Variants in KIF18A observed in about 807,000 individuals in gnomAD.
KIF18A encodes the protein kinesin-like protein KIF18A.
Under a neutral mutation model 103.3 loss-of-function variants are expected in KIF18A, and 67 were observed. The ratio of observed to expected loss-of-function variants is 0.65; its 90% CI spans 0.53 to 0.79. The LOEUF is 0.79. Among genes scored for constraint, KIF18A ranks in the 30% least tolerant of loss-of-function variants. KIF18A has a pLI of 0.00. For synonymous variants in KIF18A, 367 were observed against 355.5 expected (o/e 1.03, Z -0.36); for missense variants, 1,032 against 1,062.5 (o/e 0.97, Z 0.40).
intron 7 of KIF18A, 121 bp downstream of exon 7, chr11:28,084,511 C>G (rs997555): frequency 0.51 from 363,188 of 709,080 alleles, 97,514 homozygotes; most frequent in Admixed American, 0.58. Context: ...AAAGACCCTT[C>G]TAACCCTCAG....
At chr11:28,081,870 T>G (rs370398761) in intron 9 of KIF18A, among the ~76,000 whole-genome samples, 1 of 152,162 alleles carries the variant, frequency 6.6e-6, no homozygotes, top group African/African-American at 2.4e-5. Flanking sequence ...AGAACATTTG[T>G]GATATGTGTA....
chr11:28,082,800 TAAC>T (rs1785825149), intron 9 of KIF18A, 53 bp downstream of exon 9: 3 of 1,070,532 alleles, frequency 2.8e-6, no homozygotes, highest in Non-Finnish European at 4.1e-6. Context: ...ATAAAATACT[TAAC>T]AAAATTTTAA....
intron 13 of KIF18A, among the ~76,000 whole-genome samples, chr11:28,043,964 A>G (rs1850597144): frequency 6.6e-6 from 1 of 151,926 alleles, no homozygotes; most frequent in South Asian, 2.1e-4. Context: ...GAAGCCAATA[A>G]AAAATCAGCT....
chr11:28,087,637 G>T (rs1421998047), intron 6 of KIF18A, among the ~76,000 whole-genome samples: 2 of 152,056 alleles, frequency 1.3e-5, no homozygotes, highest in African/African-American at 4.8e-5. Flanking sequence ...GGTATTTCTG[G>T]TTCTAGATCC....
chr11:28,085,938 T>C (rs767251520), intron 6 of KIF18A, among the ~76,000 whole-genome samples: 1 of 152,166 alleles, frequency 6.6e-6, no homozygotes, highest in Non-Finnish European at 1.5e-5. Context: ...CTTACAGGAT[T>C]ATTCAGTGAA....
chr11:28,036,055 TAGTG>T (rs1565071430), intron 14 of KIF18A, among the ~76,000 whole-genome samples, 158 bp downstream of exon 14: 1 of 151,496 alleles, frequency 6.6e-6, no homozygotes, highest in African/African-American at 2.4e-5. Context: ...AATATTTTGT[TAGTG>T]AATTAATATT....
chr11:28,068,877 A>T (rs1378555019), intron 11 of KIF18A, among the ~76,000 whole-genome samples: 1 of 152,158 alleles, frequency 6.6e-6, no homozygotes, highest in Non-Finnish European at 1.5e-5. Context: ...ACACTTCAAA[A>T]ATAAAACCTT....
intron 11 of KIF18A, among the ~76,000 whole-genome samples, chr11:28,065,425 C>A (rs1329510975): frequency 6.6e-6 from 1 of 151,870 alleles, no homozygotes; most frequent in Non-Finnish European, 1.5e-5. Flanking sequence ...TGATAAAATG[C>A]ATAAAAATCA....
At chr11:28,082,692 C>T (rs1224281224) in intron 9 of KIF18A, among the ~76,000 whole-genome samples, 164 bp downstream of exon 9, 2 of 151,816 alleles carry the variant, frequency 1.3e-5, no homozygotes, top group Non-Finnish European at 2.9e-5. Flanking sequence ...ATCTCTGAGT[C>T]AAGCCTGTTA....
intron 13 of KIF18A, among the ~76,000 whole-genome samples, chr11:28,055,820 G>C (rs941253127): frequency 2.6e-5 from 4 of 152,060 alleles, no homozygotes; most frequent in Non-Finnish European, 5.9e-5. Context: ...ATGCATATGA[G>C]GAATTAAGAC....
At chr11:28,100,353 T>C (rs1851429123) in intron 1 of KIF18A, among the ~76,000 whole-genome samples, 2 of 151,978 alleles carry the variant, frequency 1.3e-5, no homozygotes, top group Admixed American at 6.6e-5. Context: ...AAATCCTAAA[T>C]GAAGGAGGAA....
chr11:28,077,001 A>T lies in KIF18A; in HGVS notation c.1425+6T>A. The T allele has an allele frequency of 7.4e-7, 1 of 1,357,084 alleles. No homozygotes were observed. The highest frequency in any genetic ancestry group is 9.9e-7 in the Non-Finnish European group (1 of 1,012,592). The allele number at this position is 1,357,084 out of a possible 1,614,324, so 84.1% of individuals were successfully genotyped here. On this transcript the variant is annotated splice_donor_region_variant and intron_variant, in intron 10 of 16. Transcript: ENST00000263181. ...TCTAAAATTTAATTATAAAATTGTT[A>T]ATTACCTTTTCTACTTTGTCTTCAG...
intron 3 of KIF18A, among the ~76,000 whole-genome samples, chr11:28,092,196 G>T (rs1260361873): frequency 1.3e-5 from 2 of 152,154 alleles, no homozygotes; most frequent in East Asian, 3.8e-4. Flanking sequence ...AGATGGCATG[G>T]TTCTTACTGT....
At chr11:28,066,477 A>T (rs1204219450) in intron 11 of KIF18A, among the ~76,000 whole-genome samples, 1 of 151,916 alleles carries the variant, frequency 6.6e-6, no homozygotes, top group Non-Finnish European at 1.5e-5. Flanking sequence ...GATCCTAGCT[A>T]ACTTATATTA....
intron 3 of KIF18A, among the ~76,000 whole-genome samples, chr11:28,092,480 A>G (rs1354866051): frequency 1.3e-5 from 2 of 152,184 alleles, no homozygotes; most frequent in Non-Finnish European, 2.9e-5. Context: ...GCTTCACTCT[A>G]CTGCATCATA....
At position 28,084,691 on chromosome 11, in the gene KIF18A, A is replaced by G; in HGVS notation, c.1015T>C (p.Tyr339His). The change falls in exon 7 of 17, where the codon TAC becomes CAC. Residue 339 changes from tyrosine (Y) to histidine (H), a missense_variant. By Grantham distance (83) the Tyr-to-His change is moderately conservative (BLOSUM62 2). Coordinates refer to ENST00000263181, the MANE Select transcript of KIF18A (RefSeq NM_031217.4). ...IAAVSPSSVF[Y>H]DDTYNTLKYA... is the part of the protein sequence containing the mutation. ...TTAAGAGTGTTATATGTGTCATCGT[A>G]GAATACAGAGGAAGGACTAACAGCA... is the stretch of plus-strand genomic sequence containing the variant. 6.2e-7 allele frequency: 1 copy of G among 1,612,988 alleles called. No homozygotes were observed. Among genetic ancestry groups the G allele is most frequent in the Non-Finnish European group, 8.5e-7 (1 of 1,178,992 alleles).
chr11:28,090,218 C>T (rs557908726), intron 5 of KIF18A, among the ~76,000 whole-genome samples: 9 of 152,086 alleles, frequency 5.9e-5, no homozygotes, highest in East Asian at 3.9e-4. Context: ...TTAAGGAATG[C>T]GACTATTTAC....
intron 7 of KIF18A, among the ~76,000 whole-genome samples, chr11:28,083,631 G>A (rs745728129): frequency 6.6e-6 from 1 of 151,974 alleles, no homozygotes; most frequent in African/African-American, 2.4e-5. Context: ...GACATTTATG[G>A]TATAGTAGAG....
intron 13 of KIF18A, among the ~76,000 whole-genome samples, chr11:28,041,717 G>A (rs1590670218): frequency 6.6e-6 from 1 of 151,964 alleles, no homozygotes; most frequent in East Asian, 1.9e-4. Context: ...TATTGCTATA[G>A]CTTAAGCAAG....
Sources: allele counts gnomAD v4.1 joint callset (sites outside exome capture counted in the v4.1 genomes callset), GRCh38; gene constraint gnomAD v4.1.1; transcripts MANE v1.5; gene names NCBI Gene and HGNC (gene_info 2026-07-23, HGNC 2026-07-21).